PKD1: variants seen among roughly 807,000 people sequenced by gnomAD.
PKD1 encodes polycystin-1.
Under a neutral mutation model 361.7 loss-of-function variants are expected in PKD1, and 81 were observed. That is an observed-to-expected ratio of 0.22 (90% CI 0.19 to 0.27). The LOEUF (loss-of-function observed/expected upper bound fraction) is 0.27. Among genes scored for constraint, PKD1 ranks in the 10% least tolerant of loss-of-function variants. The pLI, the probability that PKD1 is intolerant of heterozygous loss-of-function variation, is 1.00. For synonymous variants in PKD1, 3,615 were observed against 2,818.3 expected, an observed-to-expected ratio of 1.28 and a Z score of -8.95; for missense variants, 6,399 against 6,118.3, an observed-to-expected ratio of 1.05 and a Z score of -1.53.
intron 11 of PKD1, 104 bp from the exon 12 acceptor site, chr16:2,113,396 C>T: frequency 8.6e-7 from 1 of 1,161,568 alleles, no homozygotes; most frequent in South Asian, 1.4e-5. Flanking sequence ...CCACGCGGGG[C>T]ACAGAGGAGA....
At chr16:2,131,324 A>T (rs1442281932) in intron 1 of PKD1, among the ~76,000 whole-genome samples, 1 of 151,914 alleles carries the variant, frequency 6.6e-6, no homozygotes, top group Non-Finnish European at 1.5e-5. Flanking sequence ...ATCCTGGCTA[A>T]CACGGTGAAA....
intron 21 of PKD1, 94 bp downstream of exon 21, chr16:2,105,228 A>G (rs1247628656): frequency 7.2e-6 from 9 of 1,253,826 alleles, no homozygotes; most frequent in Middle Eastern, 2.7e-4. Flanking sequence ...CTGGAGGCTC[A>G]GCTCCTCGGC....
intron 40 of PKD1, 57 bp from the exon 41 acceptor site, chr16:2,091,963 C>T: frequency 6.2e-7 from 1 of 1,611,962 alleles, no homozygotes; most frequent in Non-Finnish European, 8.5e-7. Flanking sequence ...ACCCCGGAGC[C>T]AGGCTGGTCA....
intron 29 of PKD1, 40 bp from the exon 30 acceptor site, chr16:2,099,810 G>A (rs963734139): frequency 3.2e-6 from 5 of 1,554,714 alleles, no homozygotes; most frequent in Admixed American, 3.9e-5. Flanking sequence ...GAGGCTGAGG[G>A]GCAGGAAGGG....
rs748377978 is a variant in PKD1 at position 2,106,382 on chromosome 16, G to A, written c.7489+16C>T. ...CGGGGGATCCCGCTGCTCCCCCCAC[G>A]CAGGCCTGCACTCACCCGTGCATTC... On this transcript the variant is annotated intron_variant, in intron 18 of 45. Coordinates refer to ENST00000262304, the MANE Select transcript of PKD1 (RefSeq NM_001009944.3). This position sits in a 1 kb window ranked among gnomAD's most constrained non-coding sequence, Gnocchi z 6.5. 2.8e-5 allele frequency: 45 copies of A among 1,592,162 alleles called. No homozygotes were observed. The highest frequency in any genetic ancestry group is 3.4e-5 in the Non-Finnish European group (40 of 1,170,898).
chr16:2,101,632 C>T (rs1176918503), intron 26 of PKD1, among the ~76,000 whole-genome samples: 4 of 152,146 alleles, frequency 2.6e-5, no homozygotes, highest in Non-Finnish European at 4.4e-5. Flanking sequence ...AAAAGAAAAA[C>T]GAAAACAAAA....
Position 2,103,268 on chromosome 16 carries a change from T to A in PKD1, c.8789A>T (p.Asp2930Val). 3 of 1,609,512 alleles carry A rather than the reference T, an allele frequency of 1.9e-6. No homozygotes were observed. The highest frequency in any genetic ancestry group is 2.5e-6 in the Non-Finnish European group (3 of 1,179,550). ...TGTGCCCCACCCGCTGCACGCACCGTCCAGCAGCGTATAGTTGAGCTGCAG... is the reference window on the plus strand; with the variant it reads ...TGTGCCCCACCCGCTGCACGCACCGACCAGCAGCGTATAGTTGAGCTGCAG... ...LHLQLNYTLL[D>V]GHYLSEEPEP... is the part of the protein sequence containing the mutation. The change falls in exon 23 of 46, where the codon GAC becomes GTC. Residue 2930 changes from aspartate (D) to valine (V), a missense_variant and splice_region_variant. Physicochemically the swap from Asp to Val is radical, Grantham distance 152 (BLOSUM62 -3). Transcript: ENST00000262304.
In PKD1 at chr16:2,111,029, C is replaced by T; in HGVS notation, c.4138G>A (p.Val1380Met). The change falls in exon 15 of 46, where the codon GTG becomes ATG. Residue 1380 changes from valine to methionine, a missense_variant. By Grantham distance (21) the Val-to-Met change is conservative. Transcript: ENST00000262304. ...TCTGGCTGCAGGGTGACGTTGCCCA[C>T]CTCTGGCTCCACGCAGATGCTGGTG... ...YFTSICVEPE[V>M]GNVTLQPERQ... The T allele has an allele frequency of 1.2e-6, 2 of 1,610,706 alleles. No individual in the cohort carries two copies. The highest frequency in any genetic ancestry group is 1.7e-6 in the Non-Finnish European group (2 of 1,179,812).
Position 2,090,159 on chromosome 16 carries a change from C to T in PKD1, c.12480G>A (p.Pro4160=), listed in dbSNP as rs374017772. 2 of 1,595,632 alleles carry T rather than the reference C, an allele frequency of 1.3e-6. No individual in the cohort carries two copies. The highest frequency in any genetic ancestry group is 1.7e-6 in the Non-Finnish European group (2 of 1,170,814). The change falls in exon 46 of 46, where the codon CCG becomes CCA. Residue 4160 remains proline, a synonymous_variant. Transcript: ENST00000262304. The stretch of plus-strand genomic sequence containing the variant: ...AGCCCCTGGAGGAGCGAGAGGGCAG[C>T]GGCTCCATCCCTTCAAAGCGGACTT... ...RHKVRFEGME[P]LPSRSSRGSK...
rs376013915 is a variant in PKD1 at position 2,108,990 on chromosome 16, G to C, written c.6177C>G (p.Asp2059Glu). The change falls in exon 15 of 46, where the codon GAC (aspartate) becomes GAG (glutamate). Residue 2059 changes from aspartate to glutamate, a missense_variant. Transcript: ENST00000262304. ...ENRTLVLEVQ[D>E]AVQYVALQSG... ...TCTGCAGGGCCACATACTGGACGGC[G>C]TCCTGAACCTCCAGCACCAGCGTGC... is the stretch of plus-strand genomic sequence containing the variant. 6.2e-7 allele frequency: 1 copy of C among 1,610,352 alleles called. No individual in the cohort carries two copies. The highest frequency in any genetic ancestry group is 1.7e-5 in the Admixed American group (1 of 59,982).
In PKD1 at chr16:2,110,130, G is replaced by T. The variant is rs144091742; in HGVS notation, c.5037C>A (p.Ser1679Arg). 1.3e-4 allele frequency: 215 copies of T among 1,609,092 alleles called. 1 individual carries two copies. In the East Asian group the frequency reaches 4.4e-3, roughly 33 times the overall value. The change falls in exon 15 of 46, where the codon AGC becomes AGA. Residue 1679 changes from serine to arginine, a missense_variant. Ser to Arg is a moderately radical substitution (Grantham distance 110). Coordinates refer to ENST00000262304, the MANE Select transcript of PKD1 (RefSeq NM_001009944.3). ...GCACGGTGAGCGAGAAGCCTTTGCC[G>T]CTGCCGGCCAGGGCCGGGCCCCTGT... is the stretch of plus-strand genomic sequence containing the variant. ...WRDRGPALAG[S>R]GKGFSLTVLE...
At chr16:2,127,588 G>A (rs2092815079) in intron 1 of PKD1, among the ~76,000 whole-genome samples, 1 of 152,056 alleles carries the variant, frequency 6.6e-6, no homozygotes, top group Non-Finnish European at 1.5e-5. Flanking sequence ...GTGCATGGAG[G>A]ACAGGGGAAT....
rs770306828 is a variant in PKD1 at position 2,100,368 on chromosome 16, G to T, written c.9568+28C>A. ...GGGCGCCCCAATGCGGGGGCAGAGG[G>T]GCAGAGCTTGGCAGGGTCCGCACAA... is the stretch of plus-strand genomic sequence containing the variant. On this transcript the variant is annotated intron_variant, in intron 27 of 45. Coordinates refer to ENST00000262304, the MANE Select transcript of PKD1 (RefSeq NM_001009944.3). This position sits in a 1 kb window ranked among gnomAD's most constrained non-coding sequence, Gnocchi z 4.4. 3 of 1,611,048 alleles carry T rather than the reference G, an allele frequency of 1.9e-6. No homozygotes were observed. Among genetic ancestry groups the T allele is most frequent in the South Asian group, 2.2e-5 (2 of 90,986 alleles).
intron 1 of PKD1, chr16:2,133,227 G>A (rs2092910519): frequency 6.7e-6 from 1 of 150,010 alleles, no homozygotes; most frequent in Non-Finnish European, 1.5e-5. Flanking sequence ...GCCACGCAGA[G>A]CAGCACGTTT....
chr16:2,103,814 A>G lies in PKD1; in HGVS notation c.8243T>C (p.Val2748Ala). ...GGTCAGGTTGTAGGCCTGGGACGCC[A>G]CCATCCGAGATGGTGACTCGGCTCC... is the stretch of plus-strand genomic sequence containing the variant. ...ELGAESPSRMVASQAYNLTSA... is the reference protein window; with the variant it reads ...ELGAESPSRMAASQAYNLTSA... The change falls in exon 23 of 46, where the codon GTG becomes GCG. Residue 2748 changes from valine to alanine, a missense_variant. Physicochemically the swap from Val to Ala is moderately conservative, Grantham distance 64 (BLOSUM62 0). Transcript: ENST00000262304. 1.9e-6 allele frequency: 3 copies of G among 1,608,838 alleles called. No homozygotes were observed. The highest frequency in any genetic ancestry group is 2.2e-5 in the East Asian group (1 of 44,648).
rs747615990 is a variant in PKD1, at chr16:2,103,782, G to C, written c.8275C>G (p.Leu2759Val). The C allele has an allele frequency of 2.5e-6, 4 of 1,609,758 alleles. No individual in the cohort carries two copies. The highest frequency in any genetic ancestry group is 2.2e-5 in the South Asian group (2 of 90,934). ...ASQAYNLTSA[L>V]MRILMRSRVL... Reference sequence around the variant, plus strand: ...CGGGAGCGCATGAGGATGCGCATGAGGGCAGAGGTCAGGTTGTAGGCCTGG... The same window carrying C: ...CGGGAGCGCATGAGGATGCGCATGACGGCAGAGGTCAGGTTGTAGGCCTGG... Residue 2759 changes from leucine (L) to valine (V), a missense_variant, in exon 23 of 46, where the codon CTC (leucine) becomes GTC (valine). Leu to Val is a conservative substitution (Grantham distance 32). Transcript: ENST00000262304.
In PKD1 at chr16:2,118,615, G is replaced by A. The variant is rs529006401; in HGVS notation, c.529+61C>T. On this transcript the variant is annotated intron_variant, in intron 4 of 45. Transcript: ENST00000262304. This position sits in a 1 kb window ranked among gnomAD's most constrained non-coding sequence, Gnocchi z 6.0. ...CCTTCCTGAGCCCTGCCCAGTGTCT[G>A]CAGGGCCCAGGTCCCACCTGGCTGG... The A allele has an allele frequency of 8.3e-4, 704 of 847,628 alleles. 6 individuals are homozygous for A. In the African/African-American group the frequency reaches 9.9e-3, roughly 12 times the overall value. 52.5% of individuals were successfully genotyped at this position (847,628 alleles called of 1,614,324 possible).
In PKD1 at chr16:2,111,026, C is replaced by T. The variant is rs1336504071; in HGVS notation, c.4141G>A (p.Gly1381Ser). Reference sequence around the variant, plus strand: ...CTCTCTGGCTGCAGGGTGACGTTGCCCACCTCTGGCTCCACGCAGATGCTG... The same window carrying T: ...CTCTCTGGCTGCAGGGTGACGTTGCTCACCTCTGGCTCCACGCAGATGCTG... The part of the protein sequence containing the change: ...FTSICVEPEV[G>S]NVTLQPERQF... The change falls in exon 15 of 46, where the codon GGC becomes AGC. Residue 1381 changes from glycine (G) to serine (S), a missense_variant. Transcript: ENST00000262304. The T allele has an allele frequency of 6.2e-7, 1 of 1,610,554 alleles. No homozygotes were observed. The highest frequency in any genetic ancestry group is 1.7e-5 in the Admixed American group (1 of 59,996).
chr16:2,130,208 C>T (rs1032104833), intron 1 of PKD1, among the ~76,000 whole-genome samples: 13 of 152,248 alleles, frequency 8.5e-5, no homozygotes, highest in African/African-American at 2.9e-4. Flanking sequence ...TCAGGGACCC[C>T]GGGTGAGGCC....
Sources: gnomAD v4.1 joint callset for allele counts (sites outside exome capture counted in the v4.1 genomes callset) on GRCh38, gnomAD v4.1.1 for gene constraint, Gnocchi (gnomAD v3.1) non-coding constraint, MANE v1.5 for transcripts, NCBI Gene and HGNC (gene_info 2026-07-23, HGNC 2026-07-21) for gene names.